Variants in DIAPH2 observed in about 807,000 individuals in gnomAD.
DIAPH2 encodes protein diaphanous homolog 2.
DIAPH2 carries 35 observed loss-of-function variants against 92.7 expected under a neutral mutation model. The observed-to-expected ratio is 0.38, with a 90% CI of 0.29 to 0.50. The LOEUF (loss-of-function observed/expected upper bound fraction) is 0.50, where lower values mean the gene tolerates loss of function less well. Among genes scored for constraint, DIAPH2 ranks in the 20% least tolerant of loss-of-function variants. The probability of loss-of-function intolerance (pLI) is 0.94; values close to 1 mark genes in which losing one functional copy is unlikely to be tolerated. For synonymous variants in DIAPH2, 301 were observed against 280.4 expected (o/e 1.07, Z -0.73); for missense variants, 701 against 819.5 (o/e 0.86, Z 1.77).
intron 4 of DIAPH2, among the ~76,000 whole-genome samples, chrX:96,854,628 T>G (rs1162810624): frequency 3.8e-5 from 3 of 78,970 alleles, no homozygotes; most frequent in Admixed American, 2.9e-4. Context: ...TATATATATA[T>G]ATATATATAT....
intron 22 of DIAPH2, among the ~76,000 whole-genome samples, chrX:97,214,102 A>G (rs1268347482): frequency 8.9e-6 from 1 of 112,233 alleles, no homozygotes; most frequent in Non-Finnish European, 1.9e-5. Context: ...ACTAGGGAGT[A>G]GCTAGTTATA....
chrX:96,727,046 G>T lies in DIAPH2; in HGVS notation c.133-8712G>T, dbSNP rs186516779. ...GCTCTGAAAACACTCTTATCATTTG[G>T]CCACAAGCCCCAACCTTCTTAAGGC... On this transcript the variant is annotated intron_variant, in intron 1 of 26. Transcript: ENST00000324765. Among the ~76,000 whole-genome samples the T allele has an allele frequency of 2.6e-3, 288 of 111,701 alleles. 2 individuals carry two copies. The highest frequency in any genetic ancestry group is 8.8e-3 in the African/African-American group (271 of 30,786).
chrX:97,195,245 AT>A (rs1424210939), intron 22 of DIAPH2, among the ~76,000 whole-genome samples: 2 of 112,492 alleles, frequency 1.8e-5, no homozygotes, highest in Admixed American at 1.9e-4. Context: ...ATAATCATAC[AT>A]TTGGGGCATC....
At chrX:96,986,179 A>G (rs1404527707) in intron 17 of DIAPH2, among the ~76,000 whole-genome samples, 2 of 111,511 alleles carry the variant, frequency 1.8e-5, no homozygotes, top group African/African-American at 3.2e-5. Flanking sequence ...TTTAATGCCT[A>G]TCATACTGGC....
intron 26 of DIAPH2, among the ~76,000 whole-genome samples, chrX:97,555,247 A>G (rs1602666163): frequency 8.9e-6 from 1 of 112,093 alleles, no homozygotes; most frequent in Non-Finnish European, 1.9e-5. Flanking sequence ...AAGAAAGAAT[A>G]TGGGTCTCAA....
chrX:97,047,542 C>CTTTTTTTTTTTTTTTTTT (rs5903064), intron 17 of DIAPH2, among the ~76,000 whole-genome samples: 2 of 30,109 alleles, frequency 6.6e-5, no homozygotes, highest in African/African-American at 3.1e-4. Flanking sequence ...ATAAAATAGG[C>CTTTTTTTTTTTTTTTTTT]TTTTTTTTTT....
chrX:97,454,848 C>T (rs1290849528), intron 26 of DIAPH2, among the ~76,000 whole-genome samples: 2 of 102,896 alleles, frequency 1.9e-5, no homozygotes, highest in Non-Finnish European at 3.9e-5. Flanking sequence ...AGTGAGACTT[C>T]GTCTCAAAAA....
chrX:96,884,919 C>G, intron 5 of DIAPH2: 2 of 1,210,875 alleles, frequency 1.7e-6, no homozygotes, highest in Non-Finnish European at 2.2e-6. Flanking sequence ...TCATCCAGGA[C>G]GAAGTGCTGC....
intron 26 of DIAPH2, among the ~76,000 whole-genome samples, chrX:97,592,623 A>G (rs930704510): frequency 6.2e-5 from 7 of 112,093 alleles, no homozygotes; most frequent in Non-Finnish European, 9.4e-5. Context: ...AACAATATCA[A>G]TGTGAAAGTA....
chrX:97,288,087 G>A (rs772773349), intron 23 of DIAPH2, among the ~76,000 whole-genome samples: 1 of 110,907 alleles, frequency 9.0e-6, no homozygotes, highest in East Asian at 2.8e-4. Context: ...ATTTTAGAAC[G>A]ATGGTGATTT....
chrX:96,758,492 T>C (rs1300764608), intron 4 of DIAPH2, among the ~76,000 whole-genome samples: 2 of 111,932 alleles, frequency 1.8e-5, no homozygotes, highest in African/African-American at 6.5e-5. Flanking sequence ...TACAAAGCTC[T>C]GAGGTAATCC....
At chrX:96,811,997 T>C (rs2064686896) in intron 4 of DIAPH2, among the ~76,000 whole-genome samples, 1 of 111,598 alleles carries the variant, frequency 9.0e-6, no homozygotes, top group African/African-American at 3.3e-5. Context: ...TTGTTGTGTC[T>C]CTGCCAGGCT....
chrX:97,182,049 T>C (rs946829696), intron 22 of DIAPH2, among the ~76,000 whole-genome samples: 2 of 110,988 alleles, frequency 1.8e-5, no homozygotes, highest in Non-Finnish European at 3.8e-5. Context: ...TGACATACCT[T>C]GGGGGTTCAG....
At chrX:96,837,427 CTCTCTCTGTGTG>C (rs1413137317) in intron 4 of DIAPH2, among the ~76,000 whole-genome samples, 47 of 40,033 alleles carry the variant, frequency 1.2e-3, no homozygotes, top group African/African-American at 0.011. Flanking sequence ...CTCTCTCTCT[CTCTCTCTGTGTG>C]TGTGTGTGTG....
chrX:96,718,872 C>T (rs917677622), intron 1 of DIAPH2, among the ~76,000 whole-genome samples: 3 of 111,652 alleles, frequency 2.7e-5, no homozygotes, highest in Non-Finnish European at 5.6e-5. Flanking sequence ...TTCTCCGTAG[C>T]GGTTGTACTG....
intron 4 of DIAPH2, among the ~76,000 whole-genome samples, chrX:96,834,959 A>C (rs920482045): frequency 1.8e-5 from 2 of 112,197 alleles, no homozygotes; most frequent in African/African-American, 6.5e-5. Context: ...GGAAAGAAAC[A>C]AAAACAAGCC....
chrX:97,532,461 C>T (rs1279132552), intron 26 of DIAPH2, among the ~76,000 whole-genome samples: 2 of 112,481 alleles, frequency 1.8e-5, no homozygotes, highest in African/African-American at 3.2e-5. Flanking sequence ...TGAATTGTGG[C>T]CCAGTGTCAT....
At chrX:97,504,053 C>T (rs2070816684) in intron 26 of DIAPH2, among the ~76,000 whole-genome samples, 1 of 111,476 alleles carries the variant, frequency 9.0e-6, no homozygotes, top group Admixed American at 9.5e-5. Flanking sequence ...AGTGTAATGC[C>T]CCAATGTACC....
rs1171901209 is a variant in DIAPH2, at chrX:97,075,212, A to G, written c.2198A>G (p.Asn733Ser). 1 of 1,191,899 alleles carries G rather than the reference A, an allele frequency of 8.4e-7. No homozygotes were observed. The highest frequency in any genetic ancestry group is 2.3e-5 in the Admixed American group (1 of 43,579). ...SYRMPYEDIR[N>S]VILEVNEDML... is the part of the protein sequence containing the mutation. ...CGCATGCCATATGAAGACATAAGAA[A>G]CGTTATTCTGGAGGTTAATGAAGAC... Residue 733 changes from asparagine to serine, a missense_variant, in exon 19 of 27, where the codon AAC becomes AGC. By Grantham distance (46) the Asn-to-Ser change is conservative. Transcript: ENST00000324765.
Sources: allele counts gnomAD v4.1 joint callset (sites outside exome capture counted in the v4.1 genomes callset), GRCh38; gene constraint gnomAD v4.1.1; transcripts MANE v1.5; gene names NCBI Gene and HGNC (gene_info 2026-07-23, HGNC 2026-07-21).